The following CALN1 variants were observed in gnomAD, a reference collection of about 807,000 sequenced individuals.
CALN1 encodes calcium-binding protein 8.
A neutral mutation model predicts 30.6 loss-of-function variants in CALN1; 17 were observed. That is an observed-to-expected ratio of 0.56 (90% CI 0.38 to 0.83). CALN1 has a LOEUF of 0.83. Ranked by LOEUF, CALN1 falls within the 40% of genes least tolerant of loss-of-function variation. The pLI, the probability that CALN1 is intolerant of heterozygous loss-of-function variation, is 0.00. For missense variants in CALN1, 291 were observed against 354.9 expected (o/e 0.82, Z 1.45); for synonymous variants, 156 against 131.4 (o/e 1.19, Z -1.28).
chr7:71,886,832 T>A (rs1792940190), intron 5 of CALN1, among the ~76,000 whole-genome samples: 2 of 150,408 alleles, frequency 1.3e-5, no homozygotes, highest in South Asian at 4.2e-4. Flanking sequence ...CATTCTGCAA[T>A]GAGGATCCAA....
At chr7:71,953,675 A>C (rs1294604093) in intron 5 of CALN1, among the ~76,000 whole-genome samples, 1 of 152,086 alleles carries the variant, frequency 6.6e-6, no homozygotes, top group Non-Finnish European at 1.5e-5. Context: ...CTGAGAAATA[A>C]ATATTTACTG....
chr7:72,119,314 T>G (rs1022566587), intron 3 of CALN1, among the ~76,000 whole-genome samples: 2 of 150,412 alleles, frequency 1.3e-5, no homozygotes, highest in African/African-American at 4.9e-5. Flanking sequence ...GAGAGAGGAC[T>G]TATGCAGGGA....
At chr7:72,295,066 C>T (rs1248751389) in intron 2 of CALN1, among the ~76,000 whole-genome samples, 1 of 152,110 alleles carries the variant, frequency 6.6e-6, no homozygotes, top group African/African-American at 2.4e-5. Flanking sequence ...TCAGTGTATA[C>T]TGGGCAGATG....
At chr7:71,875,733 G>T (rs1228451767) in intron 5 of CALN1, among the ~76,000 whole-genome samples, 3 of 151,890 alleles carry the variant, frequency 2.0e-5, no homozygotes, top group African/African-American at 7.3e-5. Flanking sequence ...GTGGGGTAAG[G>T]GGGCCCAGCT....
chr7:72,497,058 A>G, the CALN1 span, among the ~76,000 whole-genome samples: 2 of 152,194 alleles, frequency 1.3e-5, no homozygotes, highest in Non-Finnish European at 1.5e-5. Flanking sequence ...CATGGAGGAA[A>G]GATTCCAATG....
intron 4 of CALN1, among the ~76,000 whole-genome samples, chr7:72,094,620 G>A (rs1806094375): frequency 6.6e-6 from 1 of 152,036 alleles, no homozygotes; most frequent in Non-Finnish European, 1.5e-5. Context: ...GTTAGTCATT[G>A]GCTGAAACTT....
At chr7:71,839,153 T>C (rs1463011076) in intron 5 of CALN1, among the ~76,000 whole-genome samples, 3 of 152,024 alleles carry the variant, frequency 2.0e-5, no homozygotes, top group Non-Finnish European at 4.4e-5. Context: ...GGGAGACCCA[T>C]AAAAGAGATA....
intron 3 of CALN1, among the ~76,000 whole-genome samples, chr7:72,275,103 C>A (rs1007663824): frequency 6.6e-6 from 1 of 152,014 alleles, no homozygotes; most frequent in Non-Finnish European, 1.5e-5. Context: ...TAGCCATTCA[C>A]AAGCAGAAGG....
intron 5 of CALN1, among the ~76,000 whole-genome samples, chr7:71,892,459 G>A (rs4719185): frequency 0.11 from 17,073 of 152,066 alleles, 1,387 homozygotes; most frequent in East Asian, 0.43. Context: ...GCAACAAGGC[G>A]AAAGCCCGTC....
chr7:72,228,479 C>T (rs956672385), intron 3 of CALN1, among the ~76,000 whole-genome samples: 4 of 151,792 alleles, frequency 2.6e-5, no homozygotes, highest in African/African-American at 9.7e-5. Flanking sequence ...TTGAACTGTA[C>T]ACTTAATGCA....
At chr7:72,218,245 G>A (rs1017014786) in intron 3 of CALN1, among the ~76,000 whole-genome samples, 11 of 151,410 alleles carry the variant, frequency 7.3e-5, no homozygotes, top group African/African-American at 1.5e-4. Context: ...TCAGGAGATC[G>A]AACCCATCCT....
At chr7:71,870,791 A>C (rs1282070228) in intron 5 of CALN1, among the ~76,000 whole-genome samples, 1 of 152,204 alleles carries the variant, frequency 6.6e-6, no homozygotes. Context: ...GTTAAGTCTC[A>C]TTACTTTGTA....
chr7:72,235,275 AAAATAAAT>A (rs151162451), intron 3 of CALN1, among the ~76,000 whole-genome samples: 10 of 151,542 alleles, frequency 6.6e-5, no homozygotes, highest in East Asian at 1.9e-4. Flanking sequence ...CTCTGTCTCA[AAAATAAAT>A]AAATAAATAA....
chr7:72,119,302 A>G (rs545803631), intron 3 of CALN1, among the ~76,000 whole-genome samples: 3 of 149,326 alleles, frequency 2.0e-5, no homozygotes, highest in East Asian at 4.1e-4. Flanking sequence ...CAGAAAAGAG[A>G]AGAGAGAGGA....
At chr7:72,355,357 C>A (rs1803163602) in intron 2 of CALN1, among the ~76,000 whole-genome samples, 2 of 150,932 alleles carry the variant, frequency 1.3e-5, no homozygotes, top group Non-Finnish European at 2.9e-5. Flanking sequence ...GAAAACCCAT[C>A]TCTACTAAAA....
At chr7:72,388,676 T>G (rs990601739) in intron 2 of CALN1, among the ~76,000 whole-genome samples, 1 of 152,180 alleles carries the variant, frequency 6.6e-6, no homozygotes, top group Non-Finnish European at 1.5e-5. Flanking sequence ...CTGTGCCCTC[T>G]CCCTAAAAGA....
chr7:72,033,462 A>C (rs1262156953), intron 4 of CALN1, among the ~76,000 whole-genome samples: 1 of 152,082 alleles, frequency 6.6e-6, no homozygotes, highest in Non-Finnish European at 1.5e-5. Flanking sequence ...TACTCAAGGC[A>C]GAATGAAGGG....
intron 6 of CALN1, among the ~76,000 whole-genome samples, chr7:71,794,314 G>A (rs1786756415): frequency 6.6e-6 from 1 of 152,208 alleles, no homozygotes; most frequent in Non-Finnish European, 1.5e-5. Flanking sequence ...GGACAGAACT[G>A]CGACCTGGCA....
At chr7:71,797,829 C>T (rs1328948807) in intron 6 of CALN1, among the ~76,000 whole-genome samples, 1 of 152,178 alleles carries the variant, frequency 6.6e-6, no homozygotes, top group African/African-American at 2.4e-5. Flanking sequence ...TCCCTGACTT[C>T]ACCTTTTCCA....
Sources: allele counts gnomAD v4.1 joint callset (sites outside exome capture counted in the v4.1 genomes callset), GRCh38; gene constraint gnomAD v4.1.1; transcripts MANE v1.5; gene names NCBI Gene and HGNC (gene_info 2026-07-23, HGNC 2026-07-21).